HOXC5: variants seen among roughly 807,000 people sequenced by gnomAD.
The protein encoded by HOXC5 is homeobox C5.
HOXC5 carries 19 observed loss-of-function variants against 20.1 expected under a neutral mutation model. The observed-to-expected ratio is 0.94, with a 90% CI of 0.66 to 1.38. The LOEUF (loss-of-function observed/expected upper bound fraction) is 1.38. HOXC5 is among the 40% of genes most tolerant of loss of function. HOXC5 has a pLI of 0.00. For missense variants in HOXC5, 330 were observed against 300.1 expected (o/e 1.10, Z -0.74); for synonymous variants, 124 against 117.0 (o/e 1.06, Z -0.39).
upstream of HOXC5, among the ~76,000 whole-genome samples, chr12:54,031,229 C>T (rs375665934): frequency 1.3e-5 from 2 of 152,330 alleles, no homozygotes; most frequent in South Asian, 4.1e-4. Flanking sequence ...CTCCTCCACC[C>T]ACTCCCGGGA....
intron 1 of HOXC5, chr12:54,033,818 G>A (rs1941085982): frequency 3.6e-6 from 2 of 555,438 alleles, no homozygotes; most frequent in Non-Finnish European, 6.4e-6. Flanking sequence ...GAGGGAGGGA[G>A]TTAAAAAAAT....
the HOXC5 span, among the ~76,000 whole-genome samples, chr12:54,018,135 C>G: frequency 6.8e-6 from 1 of 147,690 alleles, no homozygotes; most frequent in African/African-American, 2.5e-5. Context: ...AGGTGCCCTG[C>G]GTTGGGTGGA....
the HOXC5 span, among the ~76,000 whole-genome samples, chr12:54,022,933 A>C: frequency 3.3e-5 from 5 of 152,284 alleles, no homozygotes; most frequent in East Asian, 5.8e-4. Context: ...CACACCCCCT[A>C]TTGCGGCTTC....
upstream of HOXC5, among the ~76,000 whole-genome samples, chr12:54,031,478 C>G (rs1255353579): frequency 6.6e-6 from 1 of 152,202 alleles, no homozygotes; most frequent in Non-Finnish European, 1.5e-5. Flanking sequence ...CAGCTCCAGC[C>G]GGGCTGGTTC....
chr12:54,026,534 T>C, the HOXC5 span, among the ~76,000 whole-genome samples: 4 of 152,218 alleles, frequency 2.6e-5, no homozygotes, highest in African/African-American at 9.6e-5. Flanking sequence ...GAAAGTGTGA[T>C]CTAGAAGGAG....
chr12:54,028,343 C>T, upstream of HOXC5: 1 of 597,244 alleles, frequency 1.7e-6, no homozygotes, highest in Non-Finnish European at 2.9e-6. Flanking sequence ...GAAGCAGAAG[C>T]GATTTTTTTC....
At chr12:54,024,420 C>T in the HOXC5 span, among the ~76,000 whole-genome samples, 3 of 152,086 alleles carry the variant, frequency 2.0e-5, no homozygotes, top group Non-Finnish European at 2.9e-5. Flanking sequence ...TATCTGTGTG[C>T]GAGGGTTGGT....
rs978664267 is a variant in HOXC5, at chr12:54,034,214, G to A, written c.455-64G>A. ...CGCGGGTGGGGGCCTGGGCTGGGGTGGGGACGGGGGAACGCTGCAAGCTAT... is the reference window on the plus strand; with the variant it reads ...CGCGGGTGGGGGCCTGGGCTGGGGTAGGGACGGGGGAACGCTGCAAGCTAT... On this transcript the variant is annotated intron_variant, in intron 1 of 1. Transcript: ENST00000312492. The A allele has an allele frequency of 1.3e-5, 19 of 1,441,716 alleles. 1 individual carries two copies. The South Asian group carries it at 2.1e-4, about 16-fold the overall frequency. The allele number at this position is 1,441,716 out of a possible 1,614,324, so 89.3% of individuals were successfully genotyped here.
chr12:54,033,103 T>C lies in HOXC5; in HGVS notation c.-20T>C. The C allele has an allele frequency of 6.3e-7, 1 of 1,588,116 alleles. No homozygotes were observed. Among genetic ancestry groups the C allele is most frequent in the Non-Finnish European group, 8.6e-7 (1 of 1,163,498 alleles). Reference sequence around the variant, plus strand: ...CCTTAATCAAAAAGGGTGCAGAAATTTTTTTGGGCCCTCCCCGCCATGAGC... The same window carrying C: ...CCTTAATCAAAAAGGGTGCAGAAATCTTTTTGGGCCCTCCCCGCCATGAGC... On this transcript the variant is annotated 5_prime_UTR_variant, in exon 1 of 2. Transcript: ENST00000312492.
In HOXC5 at chr12:54,034,746, C is replaced by T; in HGVS notation, c.*254C>T. On this transcript the variant is annotated 3_prime_UTR_variant, in exon 2 of 2. Coordinates refer to ENST00000312492, the MANE Select transcript of HOXC5 (RefSeq NM_018953.4). ...GGTACCCGGGGCCCAGGGCAAGCTC[C>T]GCAGGACTTCCCCGGAGGGCTGCGG... 2.0e-6 allele frequency: 1 copy of T among 508,298 alleles called. No individual in the cohort carries two copies. The highest frequency in any genetic ancestry group is 3.6e-6 in the Non-Finnish European group (1 of 279,000). 31.5% of individuals were successfully genotyped at this position (508,298 alleles called of 1,614,324 possible).
upstream of HOXC5, chr12:54,032,972 C>G: frequency 1.5e-6 from 1 of 663,496 alleles, no homozygotes; most frequent in Non-Finnish European, 2.5e-6. Flanking sequence ...TTTAAGGCTC[C>G]CTTATTTGGG....
Position 54,034,285 on chromosome 12 carries a change from C to G in HOXC5, c.462C>G (p.Asp154Glu), listed in dbSNP as rs145300322. Residue 154 changes from aspartate to glutamate, a missense_variant, in exon 2 of 2, where the codon GAC (aspartate) becomes GAG (glutamate). By Grantham distance (45) the Asp-to-Glu change is conservative (BLOSUM62 2). Coordinates refer to ENST00000312492, the MANE Select transcript of HOXC5 (RefSeq NM_018953.4). ...MTKLHMSHET[D>E]GKRSRTSYTR... is the part of the protein sequence containing the mutation. ...GTGGGGTTTATGTTCCAGAGACGGA[C>G]GGCAAGCGGTCCCGAACCAGTTACA... 24 of 1,613,358 alleles carry G rather than the reference C, an allele frequency of 1.5e-5. No individual in the cohort carries two copies. In the African/African-American group the frequency reaches 3.1e-4, roughly 21 times the overall value.
In HOXC5 at chr12:54,033,245, C is replaced by G. The variant is rs780887866; in HGVS notation, c.123C>G (p.Gly41=). The G allele has an allele frequency of 1.1e-5, 18 of 1,614,046 alleles. No individual in the cohort carries two copies. The highest frequency in any genetic ancestry group is 7.7e-5 in the South Asian group (7 of 91,092). The change falls in exon 1 of 2, where the codon GGC becomes GGG. Residue 41 remains glycine (G), a synonymous_variant. Coordinates refer to ENST00000312492, the MANE Select transcript of HOXC5 (RefSeq NM_018953.4). ...TGCAGGCATCCAGGTACTGCTACGGCGGATTGGACTTAAGCATCACTTTCC... is the reference window on the plus strand; with the variant it reads ...TGCAGGCATCCAGGTACTGCTACGGGGGATTGGACTTAAGCATCACTTTCC... The part of the protein sequence containing the change: ...SEVQASRYCY[G]GLDLSITFPP...
chr12:54,026,946 C>CG, the HOXC5 span, among the ~76,000 whole-genome samples: 1 of 137,734 alleles, frequency 7.3e-6, no homozygotes, highest in Non-Finnish European at 1.6e-5. Context: ...TCCCCCCCCC[C>CG]AACCCACCCA....
chr12:54,029,708 CA>C (rs1208271010), upstream of HOXC5: 1 of 1,614,104 alleles, frequency 6.2e-7, no homozygotes, highest in Non-Finnish European at 8.5e-7. Context: ...CTCGCGGTAC[CA>C]GACCCTGGAA....
chr12:54,033,704 G>A, intron 1 of HOXC5, 128 bp downstream of exon 1: 1 of 808,062 alleles, frequency 1.2e-6, no homozygotes, highest in Non-Finnish European at 1.9e-6. Flanking sequence ...TCGTAAAACT[G>A]TCCACTAAAA....
At chr12:54,024,615 G>A in the HOXC5 span, among the ~76,000 whole-genome samples, 1 of 152,184 alleles carries the variant, frequency 6.6e-6, no homozygotes, top group Non-Finnish European at 1.5e-5. Context: ...GAAAGCAAAG[G>A]CCAGCAAGGT....
the HOXC5 span, chr12:54,020,976 T>C: frequency 6.6e-6 from 1 of 152,356 alleles, no homozygotes; most frequent in East Asian, 1.9e-4. Flanking sequence ...GCGGGATTCT[T>C]TTCACGGGCA....
At chr12:54,026,851 C>T in the HOXC5 span, among the ~76,000 whole-genome samples, 10 of 152,106 alleles carry the variant, frequency 6.6e-5, no homozygotes, top group East Asian at 1.7e-3. Context: ...GGCTTTATTG[C>T]TACCCATTGA....
Sources: gnomAD v4.1 joint callset for allele counts (sites outside exome capture counted in the v4.1 genomes callset) on GRCh38, gnomAD v4.1.1 for gene constraint, MANE v1.5 for transcripts, NCBI Gene and HGNC (gene_info 2026-07-23, HGNC 2026-07-21) for gene names.